Variants in LGSN observed in about 807,000 individuals in gnomAD.
LGSN encodes lengsin.
Under a neutral mutation model 19.5 loss-of-function variants are expected in LGSN, and 21 were observed. The ratio of observed to expected loss-of-function variants is 1.07; its 90% CI spans 0.76 to 1.55. The LOEUF (loss-of-function observed/expected upper bound fraction) is 1.55, where lower values mean the gene tolerates loss of function less well. LGSN is among the 40% of genes most tolerant of loss of function. The pLI is 0.00. For synonymous variants in LGSN, 257 were observed against 215.6 expected (o/e 1.19, Z -1.68); for missense variants, 673 against 608.5 (o/e 1.11, Z -1.12).
rs952183329 is a variant in LGSN, at chr6:63,276,215, G to A, written c.*3806C>T. On this transcript the variant is annotated 3_prime_UTR_variant, in exon 4 of 4. Coordinates refer to ENST00000370657, the MANE Select transcript of LGSN (RefSeq NM_016571.3). ...GTGACTGGAGATATGTCAATAGACT[G>A]TTCTGTTTTACTGATAAGCTCAGAC... 1 of 152,166 alleles carries A rather than the reference G, an allele frequency of 6.6e-6. No homozygotes were observed. Among genetic ancestry groups the A allele is most frequent in the African/African-American group, 2.4e-5 (1 of 41,446 alleles). 9.4% of individuals were successfully genotyped at this position (152,166 alleles called of 1,614,324 possible).
At chr6:63,410,063 T>C in the LGSN span, among the ~76,000 whole-genome samples, 1 of 151,966 alleles carries the variant, frequency 6.6e-6, no homozygotes, top group Non-Finnish European at 1.5e-5. Context: ...AATAAAATAA[T>C]AAGGTATTAC....
chr6:63,328,407 G>A, the LGSN span, among the ~76,000 whole-genome samples: 2 of 152,232 alleles, frequency 1.3e-5, no homozygotes, highest in African/African-American at 2.4e-5. Context: ...GGTCCCTCAA[G>A]GAGTAGTGCC....
At chr6:63,466,196 A>G in the LGSN span, among the ~76,000 whole-genome samples, 11 of 152,226 alleles carry the variant, frequency 7.2e-5, no homozygotes, top group African/African-American at 2.7e-4. Context: ...CACCATGCCC[A>G]GCCAAGACTG....
At chr6:63,461,878 A>G in the LGSN span, among the ~76,000 whole-genome samples, 1 of 152,206 alleles carries the variant, frequency 6.6e-6, no homozygotes, top group Non-Finnish European at 1.5e-5. Context: ...TCTAGTATAA[A>G]CACAGTTCTG....
chr6:63,295,947 A>T (rs1021187763), intron 1 of LGSN, among the ~76,000 whole-genome samples: 1 of 152,176 alleles, frequency 6.6e-6, no homozygotes, highest in African/African-American at 2.4e-5. Flanking sequence ...GTCAGGGTCA[A>T]AAAGTATGCT....
chr6:63,400,902 G>A, the LGSN span, among the ~76,000 whole-genome samples: 74 of 152,200 alleles, frequency 4.9e-4, 1 homozygote, highest in African/African-American at 1.8e-3. Flanking sequence ...GCTGATGCAG[G>A]AGAATCACTT....
the LGSN span, among the ~76,000 whole-genome samples, chr6:63,361,702 G>A: frequency 2.4e-4 from 36 of 152,188 alleles, no homozygotes; most frequent in South Asian, 1.7e-3. Context: ...AGATGCAACC[G>A]GTACCTCAGT....
chr6:63,502,535 T>C, the LGSN span, among the ~76,000 whole-genome samples: 1 of 152,170 alleles, frequency 6.6e-6, no homozygotes, highest in Non-Finnish European at 1.5e-5. Flanking sequence ...TAATATAATA[T>C]ATTAAGTCTG....
the LGSN span, among the ~76,000 whole-genome samples, chr6:63,501,472 A>C: frequency 6.6e-6 from 1 of 152,188 alleles, no homozygotes; most frequent in Non-Finnish European, 1.5e-5. Flanking sequence ...TGAGACTATA[A>C]AGCAACAAAT....
chr6:63,343,057 T>G, the LGSN span, among the ~76,000 whole-genome samples: 2 of 152,332 alleles, frequency 1.3e-5, no homozygotes, highest in South Asian at 2.1e-4. Flanking sequence ...ATTATAAAAT[T>G]TGTTTAATAT....
chr6:63,515,703 T>G, the LGSN span, among the ~76,000 whole-genome samples: 1 of 152,026 alleles, frequency 6.6e-6, no homozygotes, highest in South Asian at 2.1e-4. Context: ...TAGTCAGGCA[T>G]GAGAATGATT....
chr6:63,546,399 ATGT>A, the LGSN span, among the ~76,000 whole-genome samples: 1 of 152,146 alleles, frequency 6.6e-6, no homozygotes, highest in Non-Finnish European at 1.5e-5. Context: ...AAATCAGGAG[ATGT>A]TGTTTAAAGA....
chr6:63,331,524 G>A, the LGSN span, among the ~76,000 whole-genome samples: 1,801 of 152,202 alleles, frequency 0.012, 23 homozygotes, highest in African/African-American at 0.04. Context: ...CCATCTGAAA[G>A]ACAAAACCGC....
intron 1 of LGSN, among the ~76,000 whole-genome samples, chr6:63,306,560 CAAAACAT>C (rs2127393178): frequency 1.3e-5 from 2 of 152,118 alleles, no homozygotes; most frequent in African/African-American, 4.8e-5. Context: ...TAAAAATAAA[CAAAACAT>C]AAAACATGAT....
chr6:63,343,692 A>C, the LGSN span, among the ~76,000 whole-genome samples: 1 of 152,218 alleles, frequency 6.6e-6, no homozygotes, highest in Non-Finnish European at 1.5e-5. Context: ...TCCTTTGGTT[A>C]TTTAATCAAA....
chr6:63,539,878 A>G, the LGSN span, among the ~76,000 whole-genome samples: 1 of 152,242 alleles, frequency 6.6e-6, no homozygotes, highest in Admixed American at 6.5e-5. Flanking sequence ...AGGTATACAC[A>G]TTTTTAAAAA....
chr6:63,510,584 A>G, the LGSN span, among the ~76,000 whole-genome samples: 1 of 147,520 alleles, frequency 6.8e-6, no homozygotes, highest in Admixed American at 7.0e-5. Flanking sequence ...TTCAATATCT[A>G]TTATGTGCCA....
the LGSN span, among the ~76,000 whole-genome samples, chr6:63,359,135 T>G: frequency 1.3e-5 from 2 of 152,208 alleles, no homozygotes; most frequent in Non-Finnish European, 2.9e-5. Flanking sequence ...TGGATTACAT[T>G]TATTGATTTG....
chr6:63,406,516 A>G, the LGSN span, among the ~76,000 whole-genome samples: 2 of 149,034 alleles, frequency 1.3e-5, no homozygotes, highest in East Asian at 1.9e-4. Context: ...TCTCTGGGAC[A>G]CATTCAAAGC....
Sources: gnomAD v4.1 joint callset for allele counts (sites outside exome capture counted in the v4.1 genomes callset) on GRCh38, gnomAD v4.1.1 for gene constraint, MANE v1.5 for transcripts, NCBI Gene and HGNC (gene_info 2026-07-23, HGNC 2026-07-21) for gene names.